Variants in TAFA4 observed in about 807,000 individuals in gnomAD.
TAFA4 encodes the protein chemokine-like protein TAFA-4.
Under a neutral mutation model 21.1 loss-of-function variants are expected in TAFA4, and 20 were observed. That is an observed-to-expected ratio of 0.95 (90% CI 0.67 to 1.38). The LOEUF is 1.38. TAFA4 is among the 40% of genes most tolerant of loss of function. The probability of loss-of-function intolerance (pLI) is 0.00; values close to 1 mark genes in which losing one functional copy is unlikely to be tolerated. For missense variants in TAFA4, 211 were observed against 180.9 expected, an observed-to-expected ratio of 1.17 and a Z score of -0.95; for synonymous variants, 71 against 67.4, an observed-to-expected ratio of 1.05 and a Z score of -0.26.
At chr3:68,927,253 G>T (rs1357431356) in intron 1 of TAFA4, among the ~76,000 whole-genome samples, 1 of 152,130 alleles carries the variant, frequency 6.6e-6, no homozygotes, top group African/African-American at 2.4e-5. Flanking sequence ...ACAGTGTACT[G>T]CAGACTTATC....
intron 3 of TAFA4, among the ~76,000 whole-genome samples, chr3:68,850,548 C>G (rs370505157): frequency 3.9e-5 from 6 of 152,116 alleles, no homozygotes; most frequent in African/African-American, 1.4e-4. Flanking sequence ...GCAACCTCAC[C>G]GGCATCCGTT....
At chr3:68,740,466 A>C (rs965501557) in intron 4 of TAFA4, among the ~76,000 whole-genome samples, 1 of 152,184 alleles carries the variant, frequency 6.6e-6, no homozygotes, top group African/African-American at 2.4e-5. Context: ...ACCTTTTCAT[A>C]TGCCTGTTAG....
chr3:68,908,389 T>C (rs1446050461), intron 1 of TAFA4, among the ~76,000 whole-genome samples: 2 of 152,040 alleles, frequency 1.3e-5, no homozygotes, highest in African/African-American at 4.8e-5. Flanking sequence ...GCCACGAGGC[T>C]CTATCCAGAG....
Position 68,764,230 on chromosome 3 carries a change from C to T in TAFA4, c.131-11212G>A, listed in dbSNP as rs1189827751. Reference sequence around the variant, plus strand: ...AGACATCAGAGAGCTCATTCTTCCCCATACCCCCACAGAGAAAGAGGCTAT... The same window carrying T: ...AGACATCAGAGAGCTCATTCTTCCCTATACCCCCACAGAGAAAGAGGCTAT... On this transcript the variant is annotated intron_variant, in intron 3 of 5. Transcript: ENST00000295569. Among the ~76,000 whole-genome samples the T allele has an allele frequency of 2.6e-5, 4 of 151,930 alleles. No homozygotes were observed. The East Asian group carries it at 7.7e-4, about 29-fold the overall frequency.
At chr3:68,873,337 TACAC>T (rs34998311) in intron 3 of TAFA4, among the ~76,000 whole-genome samples, 10,821 of 133,430 alleles carry the variant, frequency 0.081, 450 homozygotes, top group African/African-American at 0.11. Context: ...CACGCAGACA[TACAC>T]ACACACACAC....
rs1310130509 is a variant in TAFA4, at chr3:68,878,293, T to C, written c.130+2437A>G. Reference sequence around the variant, plus strand: ...AACTTTCTCAGCTCCATCAGAAAACTAGCTATGACTCCATCTTTAAAGGAT... The same window carrying C: ...AACTTTCTCAGCTCCATCAGAAAACCAGCTATGACTCCATCTTTAAAGGAT... On this transcript the variant is annotated intron_variant, in intron 3 of 5. Coordinates refer to ENST00000295569, the MANE Select transcript of TAFA4 (RefSeq NM_182522.5). Among the ~76,000 whole-genome samples the C allele has an allele frequency of 2.0e-5, 3 of 152,204 alleles. No homozygotes were observed. In the East Asian group the frequency reaches 5.8e-4, roughly 29 times the overall value.
chr3:68,826,512 G>T (rs1475386141), intron 3 of TAFA4, among the ~76,000 whole-genome samples: 2 of 149,604 alleles, frequency 1.3e-5, no homozygotes, highest in Admixed American at 6.7e-5. Flanking sequence ...GGCAGAGCTT[G>T]CAGTGAGCCG....
At chr3:68,904,661 T>C (rs919986946) in intron 1 of TAFA4, among the ~76,000 whole-genome samples, 2 of 152,170 alleles carry the variant, frequency 1.3e-5, no homozygotes, top group Admixed American at 1.3e-4. Context: ...AGACTGCTGA[T>C]ATGAGCAACG....
chr3:68,818,408 C>G (rs1335287795), intron 3 of TAFA4, among the ~76,000 whole-genome samples: 1 of 152,220 alleles, frequency 6.6e-6, no homozygotes, highest in Non-Finnish European at 1.5e-5. Flanking sequence ...CATGTGTTCA[C>G]TGGTATGGCA....
In TAFA4 at chr3:68,739,056, G is replaced by T. The variant is rs370071137; in HGVS notation, c.411+19C>A. 5.2e-5 allele frequency: 83 copies of T among 1,610,484 alleles called. No individual in the cohort carries two copies. Among genetic ancestry groups the T allele is most frequent in the Non-Finnish European group, 6.5e-5 (77 of 1,178,870 alleles). ...AGTTGATAACTTGTAAATTGTAGTT[G>T]CATTTTGTCTATACTTGCCTTCGTA... On this transcript the variant is annotated intron_variant, in intron 5 of 5. Coordinates refer to ENST00000295569, the MANE Select transcript of TAFA4 (RefSeq NM_182522.5).
chr3:68,910,930 C>T (rs899521963), intron 1 of TAFA4, among the ~76,000 whole-genome samples: 1 of 152,164 alleles, frequency 6.6e-6, no homozygotes, highest in Non-Finnish European at 1.5e-5. Context: ...TGATAAATAT[C>T]AACTCTTACC....
At chr3:68,929,333 G>A (rs1219807722) in intron 1 of TAFA4, among the ~76,000 whole-genome samples, 1 of 152,200 alleles carries the variant, frequency 6.6e-6, no homozygotes, top group Non-Finnish European at 1.5e-5. Flanking sequence ...CAATACCTTT[G>A]TGGATATCTT....
intron 3 of TAFA4, among the ~76,000 whole-genome samples, chr3:68,822,461 C>A (rs1236209483): frequency 6.6e-6 from 1 of 152,096 alleles, no homozygotes; most frequent in Admixed American, 6.6e-5. Context: ...GGCAACATTG[C>A]TAAAATTCTT....
chr3:68,731,783 AT>A lies in TAFA4; in HGVS notation c.*1358del, dbSNP rs34656559. ...AACATGTATGCCATCAGCAGGATGA[AT>A]TTTTTTACTTATTCATATGATCATA... On this transcript the variant is annotated 3_prime_UTR_variant, in exon 6 of 6. Transcript: ENST00000295569. The A allele has an allele frequency of 6.6e-6, 1 of 152,082 alleles. No homozygotes were observed. The highest frequency in any genetic ancestry group is 2.4e-5 in the African/African-American group (1 of 41,426). The allele number at this position is 152,082 out of a possible 1,614,324, so 9.4% of individuals were successfully genotyped here. A position where few individuals can be genotyped will look rare whatever the true frequency, so the allele number is the denominator to read the frequency against.
chr3:68,757,131 A>G (rs915722261), intron 3 of TAFA4, among the ~76,000 whole-genome samples: 2 of 152,134 alleles, frequency 1.3e-5, no homozygotes, highest in Admixed American at 6.5e-5. Flanking sequence ...GGCTTAAACA[A>G]CAGAAAGGTA....
intron 1 of TAFA4, among the ~76,000 whole-genome samples, chr3:68,921,463 GTGAAATCCAC>G (rs2090060771): frequency 6.6e-6 from 1 of 152,144 alleles, no homozygotes. Context: ...GCAAGACAAA[GTGAAATCCAC>G]TGAAGGCTTT....
intron 3 of TAFA4, among the ~76,000 whole-genome samples, chr3:68,849,864 T>C (rs1216247608): frequency 1.3e-5 from 2 of 152,228 alleles, no homozygotes; most frequent in Non-Finnish European, 1.5e-5. Flanking sequence ...AACAGGTTCC[T>C]CTAATCACAT....
chr3:68,889,447 T>C (rs139522634), intron 1 of TAFA4, among the ~76,000 whole-genome samples: 1 of 152,336 alleles, frequency 6.6e-6, no homozygotes, highest in African/African-American at 2.4e-5. Flanking sequence ...CGTCTGTTGA[T>C]CTACTTGCCT....
chr3:68,805,190 T>G (rs529015916), intron 3 of TAFA4, among the ~76,000 whole-genome samples: 6 of 152,090 alleles, frequency 3.9e-5, no homozygotes, highest in Admixed American at 3.3e-4. Flanking sequence ...ACAGCCAAAA[T>G]ACACATGAAA....
Sources: gnomAD v4.1 joint callset for allele counts (sites outside exome capture counted in the v4.1 genomes callset) on GRCh38, gnomAD v4.1.1 for gene constraint, MANE v1.5 for transcripts, NCBI Gene and HGNC (gene_info 2026-07-23, HGNC 2026-07-21) for gene names.